Variants in UBE2E2 observed in about 807,000 individuals in gnomAD.
The protein encoded by UBE2E2 is ubiquitin conjugating enzyme E2 E2.
In UBE2E2, 6 loss-of-function variants were observed where a neutral mutation model predicts 24.7. The ratio of observed to expected loss-of-function variants is 0.24; its 90% CI spans 0.13 to 0.48. The LOEUF (loss-of-function observed/expected upper bound fraction) is 0.48. Ranked by LOEUF, UBE2E2 falls within the 20% of genes least tolerant of loss-of-function variation. UBE2E2 has a pLI of 0.99. For missense variants in UBE2E2, 169 were observed against 245.0 expected (o/e 0.69, Z 2.07); for synonymous variants, 104 against 83.6 (o/e 1.24, Z -1.33).
intron 3 of UBE2E2, among the ~76,000 whole-genome samples, chr3:23,311,099 C>A (rs1399147130): frequency 6.6e-6 from 1 of 152,152 alleles, no homozygotes; most frequent in African/African-American, 2.4e-5. Context: ...TGAATGAGAA[C>A]ATGCGGTGTT....
intron 5 of UBE2E2, among the ~76,000 whole-genome samples, chr3:23,542,506 G>C (rs1189344342): frequency 1.3e-5 from 2 of 152,142 alleles, no homozygotes; most frequent in Admixed American, 1.3e-4. Context: ...AGATACATGT[G>C]GGAGTTGCAT....
chr3:23,355,254 A>C (rs1695908875), intron 3 of UBE2E2, among the ~76,000 whole-genome samples: 1 of 151,502 alleles, frequency 6.6e-6, no homozygotes, highest in African/African-American at 2.4e-5. Context: ...GGGGAGGGAT[A>C]GCATTAGGAG....
intron 3 of UBE2E2, among the ~76,000 whole-genome samples, chr3:23,388,265 C>T (rs1013032880): frequency 5.3e-5 from 8 of 152,158 alleles, no homozygotes; most frequent in Non-Finnish European, 8.8e-5. Flanking sequence ...ATTGTAATTA[C>T]ATTTTATCAT....
Position 23,511,884 on chromosome 3 carries a change from G to GT in UBE2E2, c.360+12144_360+12145insT, listed in dbSNP as rs1694601802. Among the ~76,000 whole-genome samples, 11 of 152,206 alleles carry GT rather than the reference G, an allele frequency of 7.2e-5. No individual in the cohort carries two copies. The South Asian group carries it at 2.3e-3, about 32-fold the overall frequency. ...AATTTTCTCACAAGTGCCTAAATCA[G>GT]GCCTAAAATAAGTCAAAATAATTAC... is the stretch of plus-strand genomic sequence containing the variant. On this transcript the variant is annotated intron_variant, in intron 4 of 5. Coordinates refer to ENST00000396703, the MANE Select transcript of UBE2E2 (RefSeq NM_152653.4).
At chr3:23,291,004 G>T (rs1698750430) in intron 3 of UBE2E2, among the ~76,000 whole-genome samples, 1 of 150,678 alleles carries the variant, frequency 6.6e-6, no homozygotes. Flanking sequence ...AGGAGTTCAA[G>T]GCTGCAGTCA....
chr3:23,415,576 G>T (rs559212356), intron 3 of UBE2E2, among the ~76,000 whole-genome samples: 2 of 152,094 alleles, frequency 1.3e-5, no homozygotes, highest in African/African-American at 4.8e-5. Context: ...ACTGTGGGTC[G>T]TGGAGAAAAA....
intron 3 of UBE2E2, among the ~76,000 whole-genome samples, chr3:23,236,536 ATTAT>A (rs1697118364): frequency 6.9e-6 from 1 of 145,738 alleles, no homozygotes; most frequent in Non-Finnish European, 1.5e-5. Flanking sequence ...AGTGTGTATC[ATTAT>A]TTATTGCCTT....
At position 23,499,703 on chromosome 3, in the gene UBE2E2, T is replaced by C; in HGVS notation, c.323T>C (p.Ile108Thr). Residue 108 changes from isoleucine (I) to threonine (T), a missense_variant, in exon 4 of 6, where the codon ATT (isoleucine) becomes ACT (threonine). By Grantham distance (89) the Ile-to-Thr change is moderately conservative. Around this residue, in one of 2 missense-constraint regions of UBE2E2, gnomAD observed 105 missense variants for 180.7 expected, o/e 0.58. Coordinates refer to ENST00000396703, the MANE Select transcript of UBE2E2 (RefSeq NM_152653.4). ...GAAGGAGGGGTGTTCTTTCTTGACA[T>C]TACCTTTTCACCAGACTATCCGTTT... ...VYEGGVFFLD[I>T]TFSPDYPFKP... 6.2e-7 allele frequency: 1 copy of C among 1,613,958 alleles called. No individual in the cohort carries two copies. Among genetic ancestry groups the C allele is most frequent in the Non-Finnish European group, 8.5e-7 (1 of 1,179,916 alleles).
chr3:23,388,428 G>A (rs1051198827), intron 3 of UBE2E2, among the ~76,000 whole-genome samples: 5 of 152,182 alleles, frequency 3.3e-5, no homozygotes, highest in Admixed American at 6.5e-5. Context: ...GTTAGACATA[G>A]AGAAGTTATC....
chr3:23,354,866 A>G (rs1695892908), intron 3 of UBE2E2, among the ~76,000 whole-genome samples: 1 of 152,246 alleles, frequency 6.6e-6, no homozygotes, highest in Non-Finnish European at 1.5e-5. Flanking sequence ...TGACCCAGCC[A>G]TCCCATTACT....
intron 3 of UBE2E2, among the ~76,000 whole-genome samples, chr3:23,224,156 G>GTTTTTTTTTTTTTTTTTTTTTTTTTTTTT (rs531661466): frequency 1.1e-5 from 1 of 93,718 alleles, no homozygotes; most frequent in Non-Finnish European, 2.0e-5. Context: ...TAAATTTTAG[G>GTTTTTTTTTTTTTTTTTTTTTTTTTTTTT]TTTTTTTTTT....
chr3:23,551,602 C>T (rs1223914625), intron 5 of UBE2E2, among the ~76,000 whole-genome samples: 1 of 152,136 alleles, frequency 6.6e-6, no homozygotes, highest in African/African-American at 2.4e-5. Flanking sequence ...AATATGTTGC[C>T]TCATTGGATC....
intron 3 of UBE2E2, among the ~76,000 whole-genome samples, chr3:23,258,022 A>T (rs185413961): frequency 6.6e-6 from 1 of 152,210 alleles, no homozygotes; most frequent in Admixed American, 6.5e-5. Flanking sequence ...AGAGATGACA[A>T]TACATATGTA....
At chr3:23,414,094 T>C (rs1185222845) in intron 3 of UBE2E2, among the ~76,000 whole-genome samples, 3 of 152,194 alleles carry the variant, frequency 2.0e-5, no homozygotes, top group Non-Finnish European at 4.4e-5. Context: ...ACCCAAATGG[T>C]AGATTATCCC....
chr3:23,372,885 C>A (rs1252043598), intron 3 of UBE2E2, among the ~76,000 whole-genome samples: 3 of 152,096 alleles, frequency 2.0e-5, no homozygotes, highest in African/African-American at 7.2e-5. Context: ...ACTTATTGGA[C>A]CAGAAGTACT....
intron 3 of UBE2E2, among the ~76,000 whole-genome samples, chr3:23,341,817 G>C (rs1017777467): frequency 6.6e-6 from 1 of 152,018 alleles, no homozygotes; most frequent in Non-Finnish European, 1.5e-5. Context: ...AAAGTAAACA[G>C]CAGTCAGCTA....
chr3:23,406,255 G>C (rs1697354319), intron 3 of UBE2E2, among the ~76,000 whole-genome samples: 1 of 152,124 alleles, frequency 6.6e-6, no homozygotes, highest in South Asian at 2.1e-4. Context: ...TTCCTTTTCT[G>C]ATTCTCTTTT....
At chr3:23,317,718 C>T (rs529771126) in intron 3 of UBE2E2, among the ~76,000 whole-genome samples, 7 of 151,952 alleles carry the variant, frequency 4.6e-5, no homozygotes, top group East Asian at 1.9e-4. Context: ...GAGAACAGCA[C>T]GAGAAAGACC....
intron 3 of UBE2E2, among the ~76,000 whole-genome samples, chr3:23,344,811 C>T (rs1462832284): frequency 2.9e-5 from 4 of 136,456 alleles, no homozygotes; most frequent in Non-Finnish European, 4.8e-5. Context: ...GAGCGAGACC[C>T]AGTCTGTATT....
Sources: allele counts gnomAD v4.1 joint callset (sites outside exome capture counted in the v4.1 genomes callset), GRCh38; gene constraint gnomAD v4.1.1; regional missense constraint gnomAD v4.1.1; transcripts MANE v1.5; gene names NCBI Gene and HGNC (gene_info 2026-07-23, HGNC 2026-07-21).